KIAA1217: variants seen among roughly 807,000 people sequenced by gnomAD.
KIAA1217 encodes the protein sickle tail protein homolog.
A neutral mutation model predicts 163.9 loss-of-function variants in KIAA1217; 88 were observed. The observed-to-expected ratio is 0.54, with a 90% CI of 0.45 to 0.64. KIAA1217 has a LOEUF of 0.64. Among genes scored for constraint, KIAA1217 ranks in the 30% least tolerant of loss-of-function variants. The probability of loss-of-function intolerance (pLI) is 0.00; values close to 1 mark genes in which losing one functional copy is unlikely to be tolerated. For synonymous variants in KIAA1217, 903 were observed against 923.1 expected (o/e 0.98, Z 0.39); for missense variants, 2,372 against 2,475.0 (o/e 0.96, Z 0.88).
chr10:24,071,770 A>G (rs1190218301), intron 2 of KIAA1217, among the ~76,000 whole-genome samples: 1 of 152,242 alleles, frequency 6.6e-6, no homozygotes. Context: ...CTGAAGAGGC[A>G]TTATTGCCCA....
intron 2 of KIAA1217, among the ~76,000 whole-genome samples, chr10:24,090,164 C>CTTTTTTTTTTTTTTTTTTTTT (rs1162687231): frequency 9.2e-5 from 10 of 109,234 alleles, no homozygotes; most frequent in Non-Finnish European, 1.6e-4. Flanking sequence ...TTTTCTTTTT[C>CTTTTTTTTTTTTTTTTTTTTT]TTTTTTTTTT....
At chr10:23,992,154 A>C (rs1255270631) in intron 1 of KIAA1217, among the ~76,000 whole-genome samples, 11 of 152,184 alleles carry the variant, frequency 7.2e-5, no homozygotes, top group Admixed American at 7.2e-4. Flanking sequence ...AGTGCTTTGG[A>C]TTTTGCTACC....
intron 1 of KIAA1217, among the ~76,000 whole-genome samples, chr10:24,213,825 A>G (rs964100142): frequency 6.6e-6 from 1 of 152,184 alleles, no homozygotes; most frequent in African/African-American, 2.4e-5. Context: ...ATAGAGGAAT[A>G]TAATGACCTG....
chr10:24,109,133 G>C (rs2062743964), intron 2 of KIAA1217, among the ~76,000 whole-genome samples: 1 of 152,178 alleles, frequency 6.6e-6, no homozygotes, highest in African/African-American at 2.4e-5. Context: ...GCCTGGCCAA[G>C]ACTGGGTATA....
chr10:23,791,787 C>T (rs931205668), intron 1 of KIAA1217, among the ~76,000 whole-genome samples: 3 of 152,108 alleles, frequency 2.0e-5, no homozygotes, highest in East Asian at 3.9e-4. Context: ...ATCTTGATCC[C>T]AAAGATGAGA....
intron 1 of KIAA1217, among the ~76,000 whole-genome samples, chr10:23,950,048 T>C (rs1421278828): frequency 1.3e-5 from 2 of 152,114 alleles, no homozygotes; most frequent in Non-Finnish European, 2.9e-5. Context: ...CATTGGGAAA[T>C]TGCAATCGTT....
intron 2 of KIAA1217, among the ~76,000 whole-genome samples, chr10:24,096,401 T>C (rs1215164528): frequency 2.0e-5 from 3 of 152,208 alleles, no homozygotes; most frequent in African/African-American, 7.2e-5. Context: ...CTCCTCCTCC[T>C]ATTTAGTCAC....
At chr10:24,453,118 A>T (rs552871450) in intron 5 of KIAA1217, among the ~76,000 whole-genome samples, 1 of 152,334 alleles carries the variant, frequency 6.6e-6, no homozygotes, top group South Asian at 2.1e-4. Context: ...TGACAAAAAT[A>T]GGGCTGGATC....
intron 2 of KIAA1217, among the ~76,000 whole-genome samples, chr10:24,151,652 G>A (rs201884307): frequency 2.6e-5 from 4 of 151,438 alleles, no homozygotes; most frequent in East Asian, 3.9e-4. Flanking sequence ...CAGTATGGCC[G>A]CCTTCTTCCC....
Position 23,974,882 on chromosome 10 carries a change from T to C in KIAA1217, c.-320-32343T>C, listed in dbSNP as rs543909899. ...ATACTCATAAGGGTAATGATTATCC[T>C]TCCCCCCCCCATAGATAGGCATCTG... On this transcript the variant is annotated intron_variant, in intron 1 of 18. Coordinates refer to the KIAA1217 transcript ENST00000376462. Among the ~76,000 whole-genome samples the C allele has an allele frequency of 9.6e-5, 13 of 135,068 alleles. No homozygotes were observed. The South Asian group carries it at 2.4e-3, about 25-fold the overall frequency. The allele number at this position is 135,068 out of a possible 152,430, so 88.6% of individuals were successfully genotyped here. A position where few individuals can be genotyped will look rare whatever the true frequency, so the allele number is the denominator to read the frequency against.
rs1321270420 is a variant in KIAA1217 at position 23,817,986 on chromosome 10, T to TACAC, written c.-321+122753_-321+122754insCACA. 1.9e-3 allele frequency among the ~76,000 whole-genome samples: 235 copies of TACAC among 123,772 alleles called. 3 individuals are homozygous for TACAC. Among genetic ancestry groups the TACAC allele is most frequent in the African/African-American group, 7.6e-3 (226 of 29,608 alleles). 81.2% of individuals were successfully genotyped at this position (123,772 alleles called of 152,430 possible). A position where few individuals can be genotyped will look rare whatever the true frequency, so the allele number is the denominator to read the frequency against. On this transcript the variant is annotated intron_variant, in intron 1 of 18. Coordinates refer to the KIAA1217 transcript ENST00000376462. ...ACATATATATATATATATATATATA[T>TACAC]ATATATATATATATATATATATACA...
intron 11 of KIAA1217, 63 bp downstream of exon 11, chr10:24,520,316 T>C: frequency 1.3e-6 from 2 of 1,590,818 alleles, no homozygotes; most frequent in Non-Finnish European, 1.7e-6. Context: ...TTTAAAAATC[T>C]GCCACATAGA....
chr10:23,934,577 A>ATATATATATGTGTATATATATATG (rs1843414424), intron 1 of KIAA1217, among the ~76,000 whole-genome samples: 3 of 57,912 alleles, frequency 5.2e-5, no homozygotes, highest in African/African-American at 3.6e-4. Flanking sequence ...ATATATATAT[A>ATATATATATGTGTATATATATATG]TATATATATA....
chr10:24,359,578 CAA>C (rs1006917520), intron 2 of KIAA1217, among the ~76,000 whole-genome samples: 2 of 152,140 alleles, frequency 1.3e-5, no homozygotes, highest in African/African-American at 4.8e-5. Flanking sequence ...GTAATATGCC[CAA>C]AGTCTCACAG....
rs976616174 is a variant in KIAA1217, at chr10:24,519,256, T to C, written c.2178-867T>C. ...TTTGAGATTTTTCTCCGTAGATTTA[T>C]AGGTGTTTAGGATGGGGTTAGTAAT... is the stretch of plus-strand genomic sequence containing the variant. On this transcript the variant is annotated intron_variant, in intron 10 of 20. Coordinates refer to ENST00000376454, the MANE Select transcript of KIAA1217 (RefSeq NM_019590.5). 2.6e-4 allele frequency among the ~76,000 whole-genome samples: 39 copies of C among 152,200 alleles called. 1 individual carries two copies. The highest frequency in any genetic ancestry group is 8.7e-4 in the African/African-American group (36 of 41,454).
intron 3 of KIAA1217, among the ~76,000 whole-genome samples, chr10:24,432,597 A>AT (rs1462198126): frequency 6.6e-6 from 1 of 151,110 alleles, no homozygotes; most frequent in East Asian, 2.0e-4. Context: ...CTGAGACTAC[A>AT]GTCATGTGCC....
At chr10:24,045,129 A>G (rs1848905773) in intron 2 of KIAA1217, among the ~76,000 whole-genome samples, 1 of 152,138 alleles carries the variant, frequency 6.6e-6, no homozygotes, top group African/African-American at 2.4e-5. Context: ...TTTTAGACCA[A>G]AAATAATTTT....
chr10:24,225,771 T>G (rs910496877), intron 2 of KIAA1217, among the ~76,000 whole-genome samples: 1 of 152,248 alleles, frequency 6.6e-6, no homozygotes. Context: ...TCTAATCAGG[T>G]TGCATTACAT....
At chr10:24,137,387 C>G (rs1186198195) in intron 2 of KIAA1217, among the ~76,000 whole-genome samples, 1 of 152,186 alleles carries the variant, frequency 6.6e-6, no homozygotes, top group African/African-American at 2.4e-5. Context: ...TCCCTAGGCC[C>G]CCAGGAGATT....
Sources: allele counts gnomAD v4.1 joint callset (sites outside exome capture counted in the v4.1 genomes callset), GRCh38; gene constraint gnomAD v4.1.1; transcripts MANE v1.5; gene names NCBI Gene and HGNC (gene_info 2026-07-23, HGNC 2026-07-21).